PTBP3: variants seen among roughly 807,000 people sequenced by gnomAD.
The protein encoded by PTBP3 is polypyrimidine tract-binding protein 3.
Under a neutral mutation model 58.7 loss-of-function variants are expected in PTBP3, and 20 were observed. That is an observed-to-expected ratio of 0.34 (90% CI 0.24 to 0.50). PTBP3 has a LOEUF of 0.50. Ranked by LOEUF, PTBP3 falls within the 20% of genes least tolerant of loss-of-function variation. PTBP3 has a pLI of 0.98. For synonymous variants in PTBP3, 185 were observed against 219.8 expected (o/e 0.84, Z 1.40); for missense variants, 509 against 637.2 (o/e 0.80, Z 2.17).
rs1170316700 is a variant in PTBP3 at position 112,258,349 on chromosome 9, A to G, written c.516+4086T>C. Reference sequence around the variant, plus strand: ...GAATTCTATCTACAAATACTCTGAGATGATGTCATCCAGTCCAATGGCTTT... The same window carrying G: ...GAATTCTATCTACAAATACTCTGAGGTGATGTCATCCAGTCCAATGGCTTT... On this transcript the variant is annotated intron_variant, in intron 5 of 13. Coordinates refer to ENST00000374257, the MANE Select transcript of PTBP3 (RefSeq NM_001163788.4). Among the ~76,000 whole-genome samples the G allele has an allele frequency of 3.3e-5, 5 of 152,308 alleles. No homozygotes were observed. In the East Asian group the frequency reaches 9.7e-4, roughly 29 times the overall value.
At chr9:112,368,288 G>A in the PTBP3 span, among the ~76,000 whole-genome samples, 889 of 152,146 alleles carry the variant, frequency 5.8e-3, 62 homozygotes, top group East Asian at 0.15. Flanking sequence ...CTTGTGCCTC[G>A]GCCTCCTGAG....
chr9:112,296,740 C>T (rs1828706342), intron 2 of PTBP3, among the ~76,000 whole-genome samples: 1 of 152,108 alleles, frequency 6.6e-6, no homozygotes, highest in Non-Finnish European at 1.5e-5. Flanking sequence ...CAAATCTGAA[C>T]CTGTGTCGTC....
intron 5 of PTBP3, among the ~76,000 whole-genome samples, chr9:112,257,721 C>T (rs899447318): frequency 6.6e-6 from 1 of 152,130 alleles, no homozygotes; most frequent in African/African-American, 2.4e-5. Flanking sequence ...GGGCAGATCA[C>T]CTGAGGTCAG....
In PTBP3 at chr9:112,221,123, G is replaced by A; in HGVS notation, c.*2728C>T. The A allele has an allele frequency of 2.0e-6, 2 of 985,536 alleles. No homozygotes were observed. Among genetic ancestry groups the A allele is most frequent in the Non-Finnish European group, 2.4e-6 (2 of 829,900 alleles). 61.0% of individuals were successfully genotyped at this position (985,536 alleles called of 1,614,324 possible). On this transcript the variant is annotated 3_prime_UTR_variant, in exon 14 of 14. Coordinates refer to ENST00000374257, the MANE Select transcript of PTBP3 (RefSeq NM_001163788.4). ...AGCTAATTTTAGACACAAACTGATG[G>A]TTTCAAACATGCTATTTTAAAACAA...
intron 2 of PTBP3, among the ~76,000 whole-genome samples, chr9:112,281,928 C>G (rs1827885516): frequency 1.3e-5 from 2 of 152,092 alleles, no homozygotes; most frequent in Non-Finnish European, 2.9e-5. Flanking sequence ...GTTAAAAGCC[C>G]AAGATCAAGC....
the PTBP3 span, among the ~76,000 whole-genome samples, chr9:112,342,499 T>A: frequency 1.3e-4 from 20 of 152,264 alleles, no homozygotes; most frequent in African/African-American, 4.8e-4. Context: ...GGCGGATCAC[T>A]TGAGGTCAGG....
chr9:112,284,799 C>T (rs11788399), intron 2 of PTBP3, among the ~76,000 whole-genome samples: 46,838 of 152,104 alleles, frequency 0.31, 9,184 homozygotes, highest in Non-Finnish European at 0.45. Context: ...ATGGCCCTTG[C>T]GTTTTGATCA....
intron 3 of PTBP3, among the ~76,000 whole-genome samples, chr9:112,269,660 C>G (rs1478900888): frequency 6.6e-6 from 1 of 152,166 alleles, no homozygotes; most frequent in Non-Finnish European, 1.5e-5. Context: ...CTTTGTAGCT[C>G]TAACATGAGA....
Position 112,223,955 on chromosome 9 carries a change from A to T in PTBP3, c.1471T>A (p.Leu491Met), listed in dbSNP as rs1224183744. 2 of 1,613,230 alleles carry T rather than the reference A, an allele frequency of 1.2e-6. No homozygotes were observed. The highest frequency in any genetic ancestry group is 1.1e-5 in the South Asian group (1 of 90,982). ...QKDRKMALIQ[L>M]GSVEEAIQAL... The stretch of plus-strand genomic sequence containing the variant: ...TGAATTGCTTCTTCCACAGATCCCA[A>T]TTGAATGAGCGCCATTTTGCGATCT... Residue 491 changes from leucine (L) to methionine (M), a missense_variant, in exon 14 of 14, where the codon TTG becomes ATG. Coordinates refer to ENST00000374257, the MANE Select transcript of PTBP3 (RefSeq NM_001163788.4).
Position 112,275,959 on chromosome 9 carries a change from G to A in PTBP3, c.89C>T (p.Ser30Phe). The A allele has an allele frequency of 1.2e-6, 2 of 1,613,688 alleles. No individual in the cohort carries two copies. The highest frequency in any genetic ancestry group is 1.7e-6 in the Non-Finnish European group (2 of 1,179,596). Residue 30 changes from serine to phenylalanine, a missense_variant, in exon 3 of 14, where the codon TCC becomes TTC. Coordinates refer to ENST00000374257, the MANE Select transcript of PTBP3 (RefSeq NM_001163788.4). ...FKRDRPPCSP[S>F]RVLHLRKIPC... ...AATTTTTCGAAGATGGAGAACACGG[G>A]AAGGCGAACAGGGAGGTCTATCTCG...
chr9:112,275,735 T>C (rs958192885), intron 3 of PTBP3, 109 bp downstream of exon 3: 3 of 1,048,096 alleles, frequency 2.9e-6, no homozygotes, highest in Non-Finnish European at 4.0e-6. Flanking sequence ...TAACTTATGT[T>C]CATAGTATGA....
intron 7 of PTBP3, among the ~76,000 whole-genome samples, chr9:112,249,674 C>T (rs1350286341): frequency 6.6e-6 from 1 of 152,030 alleles, no homozygotes; most frequent in Non-Finnish European, 1.5e-5. Context: ...ATTTTATATT[C>T]AGAAATCAAA....
At chr9:112,272,805 C>T (rs1188880494) in intron 3 of PTBP3, 1 of 152,080 alleles carries the variant, frequency 6.6e-6, no homozygotes, top group East Asian at 1.9e-4. Context: ...TCAAGCAATC[C>T]TTGAGGCAAG....
Position 112,223,674 on chromosome 9 carries a change from G to A in PTBP3, c.*177C>T. The A allele has an allele frequency of 7.7e-7, 1 of 1,299,190 alleles. No homozygotes were observed. Among genetic ancestry groups the A allele is most frequent in the Non-Finnish European group, 9.8e-7 (1 of 1,022,700 alleles). 80.5% of individuals were successfully genotyped at this position (1,299,190 alleles called of 1,614,324 possible). ...AAAAGGGAAAAGAAACCTTTGACTG[G>A]CGGGGGCAGGGGGAATACAAAAAAA... is the stretch of plus-strand genomic sequence containing the variant. On this transcript the variant is annotated 3_prime_UTR_variant, in exon 14 of 14. Transcript: ENST00000374257.
At chr9:112,224,301 T>C (rs1389821696) in intron 12 of PTBP3, 91 bp from the exon 13 acceptor site, 5 of 764,284 alleles carry the variant, frequency 6.5e-6, no homozygotes, top group Non-Finnish European at 2.0e-6. Context: ...CTAGAGTACA[T>C]TTCAAACAGA....
At chr9:112,287,334 G>GTTTTTTTTTTTT (rs34426952) in intron 2 of PTBP3, among the ~76,000 whole-genome samples, 1 of 96,080 alleles carries the variant, frequency 1.0e-5, no homozygotes, top group Non-Finnish European at 1.9e-5. Context: ...TTCTTTTTCA[G>GTTTTTTTTTTTT]TTTTTTGTTT....
intron 7 of PTBP3, among the ~76,000 whole-genome samples, chr9:112,237,221 T>C (rs1287488308): frequency 1.3e-5 from 2 of 152,194 alleles, no homozygotes; most frequent in Non-Finnish European, 2.9e-5. Context: ...AAAACACACA[T>C]TTTTCAAGTG....
In PTBP3 at chr9:112,325,109, T is replaced by A. The variant is rs1200698665; in HGVS notation, c.-52+8361A>T. Among the ~76,000 whole-genome samples the A allele has an allele frequency of 4.6e-5, 7 of 152,152 alleles. No homozygotes were observed. In the East Asian group the frequency reaches 1.2e-3, roughly 25 times the overall value. Reference sequence around the variant, plus strand: ...GCCCAAATGTCCATCAACATGAGAATCAATTTTTAAATACTGTTATATATT... The same window carrying A: ...GCCCAAATGTCCATCAACATGAGAAACAATTTTTAAATACTGTTATATATT... On this transcript the variant is annotated intron_variant, in intron 1 of 13. Coordinates refer to ENST00000374257, the MANE Select transcript of PTBP3 (RefSeq NM_001163788.4).
chr9:112,274,839 T>A (rs942805862), intron 3 of PTBP3, among the ~76,000 whole-genome samples: 11 of 152,106 alleles, frequency 7.2e-5, no homozygotes, highest in African/African-American at 2.4e-4. Flanking sequence ...AAACAGGAGA[T>A]TCACAGCAAC....
Sources: allele counts gnomAD v4.1 joint callset (sites outside exome capture counted in the v4.1 genomes callset), GRCh38; gene constraint gnomAD v4.1.1; transcripts MANE v1.5; gene names NCBI Gene and HGNC (gene_info 2026-07-23, HGNC 2026-07-21).